The following SLC12A4 variants were observed in gnomAD, a reference collection of about 807,000 sequenced individuals.
SLC12A4 encodes the protein solute carrier family 12 member 4, also known as electroneutral potassium-chloride cotransporter 1.
In SLC12A4, 84 loss-of-function variants were observed where a neutral mutation model predicts 119.2. The observed-to-expected ratio is 0.70, with a 90% CI of 0.59 to 0.85. The LOEUF (loss-of-function observed/expected upper bound fraction) is 0.85, where lower values mean the gene tolerates loss of function less well. Ranked by LOEUF, SLC12A4 falls within the 40% of genes least tolerant of loss-of-function variation. The pLI is 0.00. For missense variants in SLC12A4, 1,298 were observed against 1,476.3 expected (o/e 0.88, Z 1.98); for synonymous variants, 599 against 604.6 (o/e 0.99, Z 0.14).
intron 2 of SLC12A4, among the ~76,000 whole-genome samples, chr16:67,962,006 G>A (rs777388165): frequency 6.6e-6 from 1 of 152,228 alleles, no homozygotes; most frequent in African/African-American, 2.4e-5. Flanking sequence ...GGAAGAACAC[G>A]GCTGGCAGGG....
Position 67,961,581 on chromosome 16 carries a change from T to C in SLC12A4, c.336A>G (p.Ala112=), listed in dbSNP as rs575464811. 6.2e-7 allele frequency: 1 copy of C among 1,613,380 alleles called. No individual in the cohort carries two copies. Among genetic ancestry groups the C allele is most frequent in the African/African-American group, 1.3e-5 (1 of 75,074 alleles). The change falls in exon 3 of 24, where the codon GCA becomes GCG. Residue 112 remains alanine, a synonymous_variant. Transcript: ENST00000316341. ...GCCGCCCCAACCAGCTCACCTCGGC[T>C]GCCCTCCGGCGGGTGCCCTCCCCAC... ...AESGEGTRRR[A]AEAPSMGTLM... is the part of the protein sequence containing the mutation.
intron 16 of SLC12A4, 34 bp downstream of exon 16, chr16:67,947,297 T>A: frequency 6.3e-7 from 1 of 1,599,272 alleles, no homozygotes; most frequent in Non-Finnish European, 8.5e-7. Flanking sequence ...CCTAAGAACC[T>A]CTGCGCCCTG....
rs1172048829 is a variant in SLC12A4 at position 67,944,742 on chromosome 16, G to C, written c.*98C>G. The C allele has an allele frequency of 2.6e-6, 4 of 1,513,560 alleles. No homozygotes were observed. The African/African-American group carries it at 5.5e-5, about 21-fold the overall frequency. The allele number at this position is 1,513,560 out of a possible 1,614,324, so 93.8% of individuals were successfully genotyped here. ...TCCAGGACAGGGCCAGGCAAGCAGG[G>C]CTGGCAGGTGGGTGCTGGGAAGAGG... On this transcript the variant is annotated 3_prime_UTR_variant, in exon 24 of 24. Coordinates refer to ENST00000316341, the MANE Select transcript of SLC12A4 (RefSeq NM_005072.5). This position sits in a 1 kb window ranked among gnomAD's most constrained non-coding sequence, Gnocchi z 6.6.
Position 67,944,459 on chromosome 16 carries a change from C to T in SLC12A4, c.*381G>A, listed in dbSNP as rs1283883649. On this transcript the variant is annotated 3_prime_UTR_variant, in exon 24 of 24. Transcript: ENST00000316341. This position sits in a 1 kb window ranked among gnomAD's most constrained non-coding sequence, Gnocchi z 6.6. ...TTCCTGCAGGCAGCTGGGCTGGACT[C>T]CCTCCCTGGCTACCCTTCCCTTCGT... 1.6e-6 allele frequency: 2 copies of T among 1,253,352 alleles called. No homozygotes were observed. Among genetic ancestry groups the T allele is most frequent in the Non-Finnish European group, 2.0e-6 (2 of 996,764 alleles). The allele number at this position is 1,253,352 out of a possible 1,614,324, so 77.6% of individuals were successfully genotyped here.
chr16:67,952,760 G>T (rs1186325145), intron 6 of SLC12A4, among the ~76,000 whole-genome samples: 1 of 150,034 alleles, frequency 6.7e-6, no homozygotes, highest in Non-Finnish European at 1.5e-5. Flanking sequence ...CTGCACTCCA[G>T]CCTGGGTGAC....
At chr16:67,967,022 GA>G in intron 1 of SLC12A4, 1 of 767,124 alleles carries the variant, frequency 1.3e-6, no homozygotes, top group Non-Finnish European at 1.9e-6. Flanking sequence ...TCTGGGGAGA[GA>G]GGTCCTCCCA....
chr16:67,966,883 A>T, intron 1 of SLC12A4: 1 of 1,508,782 alleles, frequency 6.6e-7, no homozygotes, highest in South Asian at 1.3e-5. Flanking sequence ...GGACTCAGCC[A>T]ATGTAGCTCC....
At position 67,968,470 on chromosome 16, in the gene SLC12A4, G is replaced by T; in HGVS notation, c.84C>A (p.Tyr28Ter). ...AGTCATCCAGCTCGGCGCGCTCCCCGTAGTCCACCCAACTGAGCCCCTCGA... is the reference window on the plus strand; with the variant it reads ...AGTCATCCAGCTCGGCGCGCTCCCCTTAGTCCACCCAACTGAGCCCCTCGA... ...DNLEGLSWVD[Y>*]GERAELDDSD... Residue 28 changes from tyrosine (Y) to a stop codon, truncating the protein, a stop_gained, in exon 1 of 24, where the codon TAC (tyrosine) becomes TAA (stop). Transcript: ENST00000316341. LOFTEE classifies it high-confidence loss of function. 6.3e-7 allele frequency: 1 copy of T among 1,583,814 alleles called. No homozygotes were observed. Among genetic ancestry groups the T allele is most frequent in the Non-Finnish European group, 8.5e-7 (1 of 1,169,628 alleles).
chr16:67,945,325 C>T (rs2058330269), intron 22 of SLC12A4, 44 bp downstream of exon 22: 1 of 1,585,138 alleles, frequency 6.3e-7, no homozygotes, highest in Admixed American at 1.7e-5. Flanking sequence ...CCCACCTCCA[C>T]CCCTAGATTC....
At chr16:67,947,998 A>G (rs1404045477) in intron 14 of SLC12A4, 63 bp downstream of exon 14, 1 of 1,568,188 alleles carries the variant, frequency 6.4e-7, no homozygotes, top group Admixed American at 1.7e-5. Context: ...AGGAAACCCA[A>G]GCCTCACCCA....
intron 3 of SLC12A4, among the ~76,000 whole-genome samples, chr16:67,960,434 G>A (rs1393395728): frequency 6.6e-6 from 1 of 152,104 alleles, no homozygotes; most frequent in Non-Finnish European, 1.5e-5. Context: ...CCTCTCTGAA[G>A]TGTGGGCTGG....
At chr16:67,965,055 C>G (rs1283394695) in intron 1 of SLC12A4, among the ~76,000 whole-genome samples, 1 of 152,226 alleles carries the variant, frequency 6.6e-6, no homozygotes, top group Non-Finnish European at 1.5e-5. Context: ...AGCTCAGCCC[C>G]ACATTCACAT....
Position 67,950,070 on chromosome 16 carries a change from A to G in SLC12A4, c.1630-152T>C. ...CCTATGGGTGTCACCAGTCTCCCTG[A>G]TTCCACCTCACCAGGCCTCTCTCCT... On this transcript the variant is annotated intron_variant, in intron 12 of 23. Transcript: ENST00000316341. This position sits in a 1 kb window ranked among gnomAD's most constrained non-coding sequence, Gnocchi z 4.3. 1.4e-6 allele frequency: 1 copy of G among 707,170 alleles called. No individual in the cohort carries two copies. The highest frequency in any genetic ancestry group is 2.7e-5 in the East Asian group (1 of 36,932). The allele number at this position is 707,170 out of a possible 1,614,324, so 43.8% of individuals were successfully genotyped here.
In SLC12A4 at chr16:67,951,181, G is replaced by C. The variant is rs772600677; in HGVS notation, c.1256C>G (p.Ser419Cys). 2 of 1,614,070 alleles carry C rather than the reference G, an allele frequency of 1.2e-6. No homozygotes were observed. Among genetic ancestry groups the C allele is most frequent in the Non-Finnish European group, 1.7e-6 (2 of 1,179,954 alleles). Residue 419 changes from serine to cysteine, a missense_variant, in exon 9 of 24, where the codon TCC becomes TGC. Transcript: ENST00000316341. This position sits in a 1 kb window ranked among gnomAD's most constrained non-coding sequence, Gnocchi z 5.2. Reference sequence around the variant, plus strand: ...GAAGATGCCGACCAGCACGGTGAAGGATGTGGCGATGTCAGCGACCACGTA... The same window carrying C: ...GAAGATGCCGACCAGCACGGTGAAGCATGTGGCGATGTCAGCGACCACGTA... ...PLYVVADIAT[S>C]FTVLVGIFFP...
At chr16:67,947,589 C>G in intron 15 of SLC12A4, 80 bp downstream of exon 15, 1 of 1,533,642 alleles carries the variant, frequency 6.5e-7, no homozygotes, top group Non-Finnish European at 8.8e-7. Flanking sequence ...CAGCTCCCTG[C>G]CCACCCCAAT....
chr16:67,957,526 T>C, intron 5 of SLC12A4: 1 of 593,944 alleles, frequency 1.7e-6, no homozygotes, highest in Non-Finnish European at 3.0e-6. Context: ...TTTTTTTCTT[T>C]TTTGGTATTG....
Position 67,946,491 on chromosome 16 carries a change from C to T in SLC12A4, c.2384G>A (p.Trp795Ter). The change falls in exon 18 of 24, where the codon TGG becomes TAG. Residue 795 changes from tryptophan to a stop codon, truncating the protein, a stop_gained. Transcript: ENST00000316341. LOFTEE classifies it high-confidence loss of function. ...GMRHNSVVLG[W>*]PYGWRQSEDP... ...CTCGCTCTGTCGCCAGCCGTAGGGC[C>T]AGCCCAGCACCACGGAGTTATGCCG... is the stretch of plus-strand genomic sequence containing the variant. 1 of 1,608,818 alleles carries T rather than the reference C, an allele frequency of 6.2e-7. No homozygotes were observed. Among genetic ancestry groups the T allele is most frequent in the Middle Eastern group, 1.7e-4 (1 of 6,038 alleles).
chr16:67,961,831 T>G, intron 2 of SLC12A4, 125 bp from the exon 3 acceptor site: 3 of 1,274,500 alleles, frequency 2.4e-6, no homozygotes, highest in Non-Finnish European at 3.3e-6. Flanking sequence ...TCCCAGTTCC[T>G]ACCTGGGGAA....
At position 67,950,338 on chromosome 16, in the gene SLC12A4, T is replaced by A. The variant is rs376211226; in HGVS notation, c.1610A>T (p.Asn537Ile). Residue 537 changes from asparagine to isoleucine, a missense_variant, in exon 12 of 24, where the codon AAC becomes ATC. Transcript: ENST00000316341. The surrounding 1 kb of genome is among the most constrained non-coding windows in gnomAD (Gnocchi z 4.3). ...GCTCACCCGGAGGAAGGGGATGATG[T>A]TGTCCTTGGCAATGGCCTGCAATAG... is the stretch of plus-strand genomic sequence containing the variant. ...PRLLQAIAKD[N>I]IIPFLRVFGH... is the part of the protein sequence containing the mutation. 4.3e-6 allele frequency: 7 copies of A among 1,613,874 alleles called. No individual in the cohort carries two copies. The highest frequency in any genetic ancestry group is 1.1e-5 in the South Asian group (1 of 91,078).
Sources: gnomAD v4.1 joint callset for allele counts (sites outside exome capture counted in the v4.1 genomes callset) on GRCh38, gnomAD v4.1.1 for gene constraint, Gnocchi (gnomAD v3.1) non-coding constraint, MANE v1.5 for transcripts, NCBI Gene and HGNC (gene_info 2026-07-23, HGNC 2026-07-21) for gene names.